The following DLG1 variants were observed in gnomAD, a reference collection of about 807,000 sequenced individuals.
DLG1 encodes disks large homolog 1.
In DLG1, 42 loss-of-function variants were observed where a neutral mutation model predicts 123.4. That is an observed-to-expected ratio of 0.34 (90% confidence interval 0.27 to 0.44). The LOEUF (loss-of-function observed/expected upper bound fraction) is 0.44. Ranked by LOEUF, DLG1 falls within the 20% of genes least tolerant of loss-of-function variation. DLG1 has a pLI of 1.00. For missense variants in DLG1, 942 were observed against 1,082.6 expected (o/e 0.87, Z 1.82); for synonymous variants, 317 against 356.2 (o/e 0.89, Z 1.24).
intron 5 of DLG1, among the ~76,000 whole-genome samples, chr3:197,169,623 T>C (rs1482197759): frequency 6.6e-6 from 1 of 152,210 alleles, no homozygotes; most frequent in Non-Finnish European, 1.5e-5. Context: ...TTTCATAGCA[T>C]AAGATGCAAC....
chr3:197,293,333 A>G (rs1741947), intron 3 of DLG1, among the ~76,000 whole-genome samples: 85,189 of 151,424 alleles, frequency 0.56, 24,441 homozygotes, highest in East Asian at 0.78. Flanking sequence ...TGCTTTCAAT[A>G]ATTTTTAAAT....
At chr3:197,196,014 T>C (rs1722300172) in intron 4 of DLG1, among the ~76,000 whole-genome samples, 3 of 152,008 alleles carry the variant, frequency 2.0e-5, no homozygotes, top group Admixed American at 6.6e-5. Flanking sequence ...GGCCTTTTTC[T>C]GGAGGGCAGT....
intron 5 of DLG1, chr3:197,184,114 G>C (rs1408164422): frequency 8.9e-6 from 10 of 1,126,726 alleles, no homozygotes; most frequent in African/African-American, 6.5e-5. Context: ...ACCAAAAGCT[G>C]TTCTTTTGTT....
At chr3:197,114,513 A>G (rs1450843495) in intron 13 of DLG1, among the ~76,000 whole-genome samples, 60 of 152,268 alleles carry the variant, frequency 3.9e-4, no homozygotes, top group African/African-American at 1.4e-3. Flanking sequence ...GTGAAATAAA[A>G]TAAAGATACT....
At chr3:197,083,937 C>T (rs551353711) in intron 16 of DLG1, among the ~76,000 whole-genome samples, 1 of 152,256 alleles carries the variant, frequency 6.6e-6, no homozygotes, top group East Asian at 1.9e-4. Flanking sequence ...CATGTCACTG[C>T]ACTCCAGCGT....
At chr3:197,167,558 C>G (rs1802059194) in intron 5 of DLG1, among the ~76,000 whole-genome samples, 1 of 152,180 alleles carries the variant, frequency 6.6e-6, no homozygotes, top group African/African-American at 2.4e-5. Context: ...TAACTTGAAT[C>G]TAATCATTAA....
At chr3:197,068,632 C>CGAG in intron 19 of DLG1, 1 of 750,140 alleles carries the variant, frequency 1.3e-6, no homozygotes, top group South Asian at 1.6e-5. Flanking sequence ...CCCCTTCTCC[C>CGAG]ATGCCCAAGT....
intron 6 of DLG1, among the ~76,000 whole-genome samples, chr3:197,146,105 T>C (rs1463434602): frequency 1.3e-5 from 2 of 150,234 alleles, no homozygotes; most frequent in Non-Finnish European, 3.0e-5. Context: ...ACCAAGGAGG[T>C]GAAAGACCTC....
chr3:197,099,306 C>T (rs1762230544), intron 14 of DLG1, among the ~76,000 whole-genome samples: 2 of 152,180 alleles, frequency 1.3e-5, no homozygotes, highest in African/African-American at 4.8e-5. Flanking sequence ...CTCAAGTGAT[C>T]CTCTTGTCTC....
At chr3:197,233,847 G>A (rs938213278) in intron 4 of DLG1, among the ~76,000 whole-genome samples, 8 of 152,204 alleles carry the variant, frequency 5.3e-5, no homozygotes, top group Admixed American at 3.3e-4. Flanking sequence ...GCTTCTACAA[G>A]CCATGACTCC....
rs543885315 is a variant in DLG1, at chr3:197,218,907, G to A, written c.319-24318C>T. ...AGCACTTTGGGAAGCCGAGGCGGGC[G>A]GATCACCTGAGGTCGGGAATTCAAG... On this transcript the variant is annotated intron_variant, in intron 4 of 24. Coordinates refer to ENST00000667157, the MANE Select transcript of DLG1 (RefSeq NM_001366207.1). 3.2e-3 allele frequency among the ~76,000 whole-genome samples: 485 copies of A among 152,250 alleles called. 4 individuals are homozygous for A. The highest frequency in any genetic ancestry group is 4.1e-3 in the Non-Finnish European group (281 of 67,992).
chr3:197,176,801 T>C (rs887345109), intron 5 of DLG1, among the ~76,000 whole-genome samples: 1 of 152,116 alleles, frequency 6.6e-6, no homozygotes, highest in Non-Finnish European at 1.5e-5. Context: ...AAGCTTTCAA[T>C]TCATTTGGGC....
chr3:197,198,811 T>C (rs1724052773), intron 4 of DLG1, among the ~76,000 whole-genome samples: 1 of 152,172 alleles, frequency 6.6e-6, no homozygotes, highest in Admixed American at 6.5e-5. Flanking sequence ...GGAACTCTCA[T>C]ACATTACTGA....
intron 13 of DLG1, among the ~76,000 whole-genome samples, chr3:197,110,902 G>C (rs947257438): frequency 1.3e-5 from 2 of 152,166 alleles, no homozygotes; most frequent in Admixed American, 6.5e-5. Flanking sequence ...AGAGGCTCAT[G>C]ATCAGGTAGA....
At chr3:197,120,575 C>A (rs1775790056) in intron 11 of DLG1, among the ~76,000 whole-genome samples, 1 of 152,136 alleles carries the variant, frequency 6.6e-6, no homozygotes, top group Non-Finnish European at 1.5e-5. Context: ...AATTATCAAG[C>A]ATTAATCTCT....
intron 4 of DLG1, among the ~76,000 whole-genome samples, chr3:197,206,559 C>T (rs1323429727): frequency 6.6e-6 from 1 of 152,130 alleles, no homozygotes; most frequent in Non-Finnish European, 1.5e-5. Context: ...CCTCAGCCTC[C>T]CAAAGTGTTA....
Position 197,147,876 on chromosome 3 carries a change from TA to T in DLG1, c.537+1866del, listed in dbSNP as rs5855567. Among the ~76,000 whole-genome samples, 1,003 of 142,968 alleles carry T rather than the reference TA, an allele frequency of 7.0e-3. 6 individuals carry two copies. The highest frequency in any genetic ancestry group is 9.5e-3 in the Non-Finnish European group (626 of 65,574). The allele number at this position is 142,968 out of a possible 152,430, so 93.8% of individuals were successfully genotyped here. ...CCTGAAGTTTCCCATCCTTTAAAAT[TA>T]AAAAAAAAAAAGAAATAAAAGGCAT... On this transcript the variant is annotated intron_variant, in intron 6 of 24. Transcript: ENST00000667157.
intron 16 of DLG1, among the ~76,000 whole-genome samples, chr3:197,083,255 GTAAA>G (rs1272974423): frequency 1.3e-5 from 2 of 152,014 alleles, no homozygotes; most frequent in East Asian, 1.9e-4. Context: ...CTACAAACAG[GTAAA>G]TAAATAAAGG....
At chr3:197,210,357 C>A (rs143161443) in intron 4 of DLG1, among the ~76,000 whole-genome samples, 7 of 142,774 alleles carry the variant, frequency 4.9e-5, no homozygotes, top group African/African-American at 1.7e-4. Flanking sequence ...ATTAACAAAG[C>A]CAAATAATCA....
Sources: gnomAD v4.1 joint callset for allele counts (sites outside exome capture counted in the v4.1 genomes callset) on GRCh38, gnomAD v4.1.1 for gene constraint, MANE v1.5 for transcripts, NCBI Gene and HGNC (gene_info 2026-07-23, HGNC 2026-07-21) for gene names.